SHROOM4: variants seen among roughly 807,000 people sequenced by gnomAD.
SHROOM4 encodes shroom family member 4.
SHROOM4 carries 17 observed loss-of-function variants against 80.3 expected under a neutral mutation model. That is an observed-to-expected ratio of 0.21 (90% CI 0.14 to 0.32). The LOEUF is 0.32. SHROOM4 is among the 10% of genes least tolerant of loss of function. SHROOM4 has a pLI of 1.00. For missense variants in SHROOM4, 993 were observed against 1,140.3 expected, an observed-to-expected ratio of 0.87 and a Z score of 1.86; for synonymous variants, 400 against 437.5, an observed-to-expected ratio of 0.91 and a Z score of 1.07.
intron 1 of SHROOM4, among the ~76,000 whole-genome samples, chrX:50,700,927 A>T (rs1557263497): frequency 1.8e-5 from 2 of 111,696 alleles, no homozygotes; most frequent in African/African-American, 6.5e-5. Flanking sequence ...ACCAAGGGAG[A>T]AGCCATTCTT....
intron 2 of SHROOM4, among the ~76,000 whole-genome samples, chrX:50,688,013 G>A (rs1397081990): frequency 9.1e-6 from 1 of 110,469 alleles, no homozygotes; most frequent in Non-Finnish European, 1.9e-5. Flanking sequence ...TCTAGTCTAA[G>A]GGTCATTTTT....
At chrX:50,811,986 G>GC (rs1251570533) in intron 1 of SHROOM4, among the ~76,000 whole-genome samples, 1 of 109,983 alleles carries the variant, frequency 9.1e-6, no homozygotes, top group African/African-American at 3.3e-5. Flanking sequence ...ATTGCTGGCT[G>GC]CCCCATACTT....
At position 50,717,457 on chromosome X, in the gene SHROOM4, G is replaced by A. The variant is rs190401552; in HGVS notation, c.118-21520C>T. On this transcript the variant is annotated intron_variant, in intron 1 of 8. Coordinates refer to ENST00000376020, the MANE Select transcript of SHROOM4 (RefSeq NM_020717.5). Reference sequence around the variant, plus strand: ...TGGTCTCGATCTATCTCTTGACCTCGTGATCTGCCCACCTCGGCATCCCAA... The same window carrying A: ...TGGTCTCGATCTATCTCTTGACCTCATGATCTGCCCACCTCGGCATCCCAA... Among the ~76,000 whole-genome samples the A allele has an allele frequency of 6.2e-5, 7 of 112,166 alleles. No homozygotes were observed. The Middle Eastern group carries it at 0.014, about 221-fold the overall frequency.
chrX:50,651,891 G>A (rs958636171), intron 2 of SHROOM4, among the ~76,000 whole-genome samples: 12 of 111,289 alleles, frequency 1.1e-4, no homozygotes, highest in Non-Finnish European at 2.1e-4. Flanking sequence ...CTTCATCCAT[G>A]TCCCTGCAAA....
chrX:50,713,347 C>T (rs983231114), intron 1 of SHROOM4, among the ~76,000 whole-genome samples: 2 of 111,645 alleles, frequency 1.8e-5, no homozygotes, highest in Non-Finnish European at 3.8e-5. Flanking sequence ...CCCAAAGATT[C>T]GGGGCAGGCA....
chrX:50,776,350 A>T (rs1557270119), intron 1 of SHROOM4, among the ~76,000 whole-genome samples: 1 of 111,796 alleles, frequency 8.9e-6, no homozygotes, highest in Non-Finnish European at 1.9e-5. Context: ...ACAATATCTA[A>T]TAATAATAAT....
At chrX:50,753,140 G>A (rs1934958668) in intron 1 of SHROOM4, among the ~76,000 whole-genome samples, 1 of 111,817 alleles carries the variant, frequency 8.9e-6, no homozygotes, top group Non-Finnish European at 1.9e-5. Flanking sequence ...AGTGGCATGT[G>A]CTTCTTCTTT....
intron 1 of SHROOM4, among the ~76,000 whole-genome samples, chrX:50,759,153 T>C (rs1557268641): frequency 8.9e-6 from 1 of 112,007 alleles, no homozygotes; most frequent in Non-Finnish European, 1.9e-5. Context: ...AATTTGGAGA[T>C]AAATCCTTTA....
At chrX:50,791,734 C>T (rs1381526745) in intron 1 of SHROOM4, among the ~76,000 whole-genome samples, 1 of 108,773 alleles carries the variant, frequency 9.2e-6, no homozygotes, top group Non-Finnish European at 1.9e-5. Context: ...AAAAAAAAAT[C>T]TCTACAATTC....
At chrX:50,809,183 G>A (rs1325333291) in intron 1 of SHROOM4, among the ~76,000 whole-genome samples, 2 of 111,568 alleles carry the variant, frequency 1.8e-5, no homozygotes, top group Non-Finnish European at 3.8e-5. Context: ...CACACCCCAC[G>A]AAGGTCCCTT....
intron 1 of SHROOM4, among the ~76,000 whole-genome samples, chrX:50,787,834 A>T (rs1935776854): frequency 9.0e-6 from 1 of 110,848 alleles, no homozygotes; most frequent in Non-Finnish European, 1.9e-5. Flanking sequence ...CTTCAAAAAG[A>T]TGAAGAGATT....
intron 2 of SHROOM4, among the ~76,000 whole-genome samples, chrX:50,647,124 G>T (rs988102522): frequency 3.5e-4 from 39 of 111,542 alleles, no homozygotes; most frequent in Non-Finnish European, 6.6e-4. Context: ...TGCAGTACTC[G>T]GGATTCTCTT....
intron 2 of SHROOM4, among the ~76,000 whole-genome samples, chrX:50,694,275 A>T (rs781943037): frequency 1.8e-5 from 2 of 109,285 alleles, no homozygotes; most frequent in Non-Finnish European, 3.8e-5. Context: ...TTTTTGCTAA[A>T]CCTCCATACT....
intron 1 of SHROOM4, among the ~76,000 whole-genome samples, chrX:50,727,039 T>G (rs1934256141): frequency 8.8e-6 from 1 of 113,034 alleles, no homozygotes; most frequent in African/African-American, 3.2e-5. Context: ...GCCCAAGGCC[T>G]TCGGAGCCCC....
chrX:50,602,619 T>G lies in SHROOM4; in HGVS notation c.3942+14A>C, dbSNP rs201807413. ...AAATTCTGAAAATCTCTAGGACACA[T>G]CAAAAAACTTTACCTTTTTTTGAGC... On this transcript the variant is annotated intron_variant, in intron 7 of 8. Coordinates refer to ENST00000376020, the MANE Select transcript of SHROOM4 (RefSeq NM_020717.5). The G allele has an allele frequency of 3.3e-5, 40 of 1,207,596 alleles. 1 individual carries two copies. The Middle Eastern group carries it at 6.9e-4, about 21-fold the overall frequency.
chrX:50,578,977 G>T, the SHROOM4 span, among the ~76,000 whole-genome samples: 2 of 111,712 alleles, frequency 1.8e-5, no homozygotes, highest in Admixed American at 9.5e-5. Flanking sequence ...AAGAAAAAGT[G>T]TATATCCATA....
Position 50,814,159 on chromosome X carries a change from C to A in SHROOM4, c.-141G>T, listed in dbSNP as rs1205356576. ...CTCCGCCTACTCTCCCGGCTGGAGACGCTCAGGCAGCGAGCGAGCGCAAGG... is the reference window on the plus strand; with the variant it reads ...CTCCGCCTACTCTCCCGGCTGGAGAAGCTCAGGCAGCGAGCGAGCGCAAGG... On this transcript the variant is annotated 5_prime_UTR_variant, in exon 1 of 9. Coordinates refer to ENST00000376020, the MANE Select transcript of SHROOM4 (RefSeq NM_020717.5). 2.1e-6 allele frequency: 1 copy of A among 484,834 alleles called. No homozygotes were observed. The highest frequency in any genetic ancestry group is 2.4e-5 in the African/African-American group (1 of 42,412). 40.0% of individuals were successfully genotyped at this position (484,834 alleles called of 1,213,427 possible).
rs1207644888 is a variant in SHROOM4, at chrX:50,590,501, C to T, written c.*6194G>A. Among the ~76,000 whole-genome samples the T allele has an allele frequency of 3.6e-5, 4 of 111,145 alleles. No homozygotes were observed. Among genetic ancestry groups the T allele is most frequent in the Admixed American group, 9.5e-5 (1 of 10,496 alleles). On this transcript the variant is annotated 3_prime_UTR_variant, in exon 9 of 9. Coordinates refer to ENST00000376020, the MANE Select transcript of SHROOM4 (RefSeq NM_020717.5). ...TCCTGACCTCCTGATCCGCCCGCCA[C>T]GGCCTCCCAAAGTGCTGGGATTACA...
chrX:50,725,622 G>A (rs1557265822), intron 1 of SHROOM4, among the ~76,000 whole-genome samples: 1 of 112,226 alleles, frequency 8.9e-6, no homozygotes, highest in Non-Finnish European at 1.9e-5. Flanking sequence ...TTAAAGTGGG[G>A]CACTTCCGCT....
Sources: allele counts gnomAD v4.1 joint callset (sites outside exome capture counted in the v4.1 genomes callset), GRCh38; gene constraint gnomAD v4.1.1; transcripts MANE v1.5; gene names NCBI Gene and HGNC (gene_info 2026-07-23, HGNC 2026-07-21).